The following CAMSAP3 variants were observed in gnomAD, a reference collection of about 807,000 sequenced individuals.
CAMSAP3 encodes calmodulin regulated spectrin associated protein family member 3.
CAMSAP3 carries 34 observed loss-of-function variants against 112.5 expected under a neutral mutation model. That is an observed-to-expected ratio of 0.30 (90% confidence interval 0.23 to 0.40). The LOEUF (loss-of-function observed/expected upper bound fraction) is 0.40. Ranked by LOEUF, CAMSAP3 falls within the 10% of genes least tolerant of loss-of-function variation. CAMSAP3 has a pLI of 1.00. For synonymous variants in CAMSAP3, 868 were observed against 799.8 expected (o/e 1.09, Z -1.44); for missense variants, 1,602 against 1,770.3 (o/e 0.90, Z 1.71).
In CAMSAP3 at chr19:7,611,289, G is replaced by T. The variant is rs1599356695; in HGVS notation, c.1123+121G>T. The T allele has an allele frequency of 9.6e-7, 1 of 1,041,630 alleles. No individual in the cohort carries two copies. The highest frequency in any genetic ancestry group is 1.4e-6 in the Non-Finnish European group (1 of 698,400). 64.5% of individuals were successfully genotyped at this position (1,041,630 alleles called of 1,614,324 possible). A position where few individuals can be genotyped will look rare whatever the true frequency, so the allele number is the denominator to read the frequency against. On this transcript the variant is annotated intron_variant, in intron 9 of 16. Coordinates refer to ENST00000160298, the MANE Select transcript of CAMSAP3 (RefSeq NM_020902.2). This position sits in a 1 kb window ranked among gnomAD's most constrained non-coding sequence, Gnocchi z 6.9. ...AGCCTCTCCATCAGATCCCCCTTGGGCATCCCAAAGTGACCCCCAGAATGG... is the reference window on the plus strand; with the variant it reads ...AGCCTCTCCATCAGATCCCCCTTGGTCATCCCAAAGTGACCCCCAGAATGG...
chr19:7,616,975 G>A (rs889904155), intron 14 of CAMSAP3, among the ~76,000 whole-genome samples: 33 of 139,768 alleles, frequency 2.4e-4, no homozygotes, highest in Non-Finnish European at 4.8e-4. Context: ...TTGAGAGGGA[G>A]TCTTGCTGTG....
rs1291195641 is a variant in CAMSAP3, at chr19:7,615,311, G to GGAGGCCGCGAGGT, written c.2807_2810+9dup. 1 of 1,546,252 alleles carries GGAGGCCGCGAGGT rather than the reference G, an allele frequency of 6.5e-7. No individual in the cohort carries two copies. Among genetic ancestry groups the GGAGGCCGCGAGGT allele is most frequent in the Non-Finnish European group, 8.7e-7 (1 of 1,144,288 alleles). ...AGGTGGAGAAGGAACAGCGGAGGGA[G>GGAGGCCGCGAGGT]GAGGCCGCGAGGTGAGGCCGGGCCT... On this transcript the variant is annotated frameshift_variant, in exon 12 of 17. Coordinates refer to ENST00000160298, the MANE Select transcript of CAMSAP3 (RefSeq NM_020902.2). LOFTEE classifies it high-confidence loss of function. This position sits in a 1 kb window ranked among gnomAD's most constrained non-coding sequence, Gnocchi z 6.5.
chr19:7,606,155 C>CCCCCCCCCCCCCCAA, intron 2 of CAMSAP3, 116 bp from the exon 3 acceptor site: 6 of 512,020 alleles, frequency 1.2e-5, no homozygotes, highest in East Asian at 7.2e-5. Flanking sequence ...CCTCAAGCCC[C>CCCCCCCCCCCCCCAA]ACCCCCCCCG....
rs368094381 is a variant in CAMSAP3, at chr19:7,607,823, C to A, written c.622-303C>A. 3.0e-6 allele frequency: 4 copies of A among 1,355,262 alleles called. No individual in the cohort carries two copies. The highest frequency in any genetic ancestry group is 2.5e-5 in the Admixed American group (1 of 39,366). 84.0% of individuals were successfully genotyped at this position (1,355,262 alleles called of 1,614,324 possible). A position where few individuals can be genotyped will look rare whatever the true frequency, so the allele number is the denominator to read the frequency against. ...GATGGCTGCTCCTCTCCCCCCAGCACGCAATTGCCTTCTGTTTGAAGGAGT... is the reference window on the plus strand; with the variant it reads ...GATGGCTGCTCCTCTCCCCCCAGCAAGCAATTGCCTTCTGTTTGAAGGAGT... On this transcript the variant is annotated intron_variant, in intron 4 of 16. Transcript: ENST00000160298. The surrounding 1 kb of genome is among the most constrained non-coding windows in gnomAD (Gnocchi z 4.9).
At chr19:7,614,282 A>AAAAAAAAG (rs1568447672) in intron 11 of CAMSAP3, among the ~76,000 whole-genome samples, 1 of 147,132 alleles carries the variant, frequency 6.8e-6, no homozygotes, top group African/African-American at 2.5e-5. Flanking sequence ...AAAAAAAAAA[A>AAAAAAAAG]AGTGAGCACA....
chr19:7,610,216 G>C lies in CAMSAP3; in HGVS notation c.761-260G>C, dbSNP rs1217197003. ...TCCTGTAATCCCAGCTACTCAGGAG[G>C]CTGAGGTGGGAGAATCACTTGAACC... is the stretch of plus-strand genomic sequence containing the variant. On this transcript the variant is annotated intron_variant, in intron 5 of 16. Transcript: ENST00000160298. This position sits in a 1 kb window ranked among gnomAD's most constrained non-coding sequence, Gnocchi z 4.9. Among the ~76,000 whole-genome samples, 1 of 151,914 alleles carries C rather than the reference G, an allele frequency of 6.6e-6. No individual in the cohort carries two copies. The highest frequency in any genetic ancestry group is 2.4e-5 in the African/African-American group (1 of 41,324).
Position 7,616,622 on chromosome 19 carries a change from G to A in CAMSAP3, c.3212G>A (p.Arg1071Gln), listed in dbSNP as rs202218559. The change falls in exon 14 of 17, where the codon CGG becomes CAG. Residue 1071 changes from arginine (R) to glutamine (Q), a missense_variant and splice_region_variant. Around this residue, in one of 6 missense-constraint regions of CAMSAP3, gnomAD observed 1,100 missense variants for 1,135.7 expected, o/e 0.97. Transcript: ENST00000160298. ...CTCGGGGTGAAGAGGCCCACGTCTC[G>A]GTGAGTTTAGCCCGCACAGGCGGGG... ...NNLGVKRPTS[R>Q]APSPSGLMSP... 1.5e-4 allele frequency: 243 copies of A among 1,602,624 alleles called. No individual in the cohort carries two copies. The highest frequency in any genetic ancestry group is 1.9e-4 in the Non-Finnish European group (218 of 1,176,760).
chr19:7,613,088 T>C lies in CAMSAP3; in HGVS notation c.2595T>C (p.Ala865=). 6.5e-7 allele frequency: 1 copy of C among 1,546,364 alleles called. No homozygotes were observed. Among genetic ancestry groups the C allele is most frequent in the Non-Finnish European group, 8.7e-7 (1 of 1,146,270 alleles). ...AAEDEGDGSP[A]GAEDSLEEEA... is the part of the protein sequence containing the mutation. ...AGGACGAGGGAGACGGGAGCCCCGC[T>C]GGTGCTGAGGATTCCTTGGAGGAGG... Residue 865 remains alanine (A), a synonymous_variant, in exon 11 of 17, where the codon GCT becomes GCC. Coordinates refer to ENST00000160298, the MANE Select transcript of CAMSAP3 (RefSeq NM_020902.2).
chr19:7,602,244 TCA>T (rs149502268), intron 1 of CAMSAP3, among the ~76,000 whole-genome samples: 1,910 of 152,224 alleles, frequency 0.013, 39 homozygotes, highest in African/African-American at 0.044. Flanking sequence ...GCTAAACATC[TCA>T]CAGTGTACAG....
In CAMSAP3 at chr19:7,611,649, C is replaced by T; in HGVS notation, c.1194-38C>T. On this transcript the variant is annotated intron_variant, in intron 10 of 16. Transcript: ENST00000160298. This position sits in a 1 kb window ranked among gnomAD's most constrained non-coding sequence, Gnocchi z 6.9. Reference sequence around the variant, plus strand: ...AGGCTAGGGCGGGTTGGGGCCGAGGCTGGTCCCAGGGGCTGACCCCTCCCT... The same window carrying T: ...AGGCTAGGGCGGGTTGGGGCCGAGGTTGGTCCCAGGGGCTGACCCCTCCCT... The T allele has an allele frequency of 6.3e-7, 1 of 1,581,498 alleles. No individual in the cohort carries two copies. The highest frequency in any genetic ancestry group is 8.6e-7 in the Non-Finnish European group (1 of 1,161,270).
chr19:7,615,414 G>A lies in CAMSAP3; in HGVS notation c.2811-4G>A. 1.3e-6 allele frequency: 2 copies of A among 1,540,330 alleles called. No homozygotes were observed. The highest frequency in any genetic ancestry group is 2.4e-5 in the East Asian group (1 of 40,844). ...TTCTGATGCCGATTCCCTGTGATCTGCAGGCTGGCCCAAGAGGAGGCCCCG... is the reference window on the plus strand; with the variant it reads ...TTCTGATGCCGATTCCCTGTGATCTACAGGCTGGCCCAAGAGGAGGCCCCG... On this transcript the variant is annotated splice_region_variant and splice_polypyrimidine_tract_variant and intron_variant, in intron 12 of 16. Coordinates refer to ENST00000160298, the MANE Select transcript of CAMSAP3 (RefSeq NM_020902.2). This position sits in a 1 kb window ranked among gnomAD's most constrained non-coding sequence, Gnocchi z 6.5.
chr19:7,603,960 A>G (rs2030082573), intron 1 of CAMSAP3, among the ~76,000 whole-genome samples: 1 of 152,030 alleles, frequency 6.6e-6, no homozygotes, highest in African/African-American at 2.4e-5. Flanking sequence ...AATGGTGATA[A>G]CCCTGTTTCT....
chr19:7,610,734 T>A lies in CAMSAP3; in HGVS notation c.935T>A (p.Met312Lys), dbSNP rs745715445. Residue 312 changes from methionine to lysine, a missense_variant, in exon 7 of 17, where the codon ATG becomes AAG. This residue lies in a region of CAMSAP3 where 1,100 missense variants were observed against 1,135.7 expected (regional missense o/e 0.97). Coordinates refer to ENST00000160298, the MANE Select transcript of CAMSAP3 (RefSeq NM_020902.2). This position sits in a 1 kb window ranked among gnomAD's most constrained non-coding sequence, Gnocchi z 4.9. ...NLVVMLAELF[M>K]CFEVLKPDFV... is the part of the protein sequence containing the mutation. ...GTGGTGATGCTGGCCGAGTTGTTCATGTGTTTTGAGGTGCTCAAGCCCGAC... is the reference window on the plus strand; with the variant it reads ...GTGGTGATGCTGGCCGAGTTGTTCAAGTGTTTTGAGGTGCTCAAGCCCGAC... 1 of 1,614,010 alleles carries A rather than the reference T, an allele frequency of 6.2e-7. No individual in the cohort carries two copies. Among genetic ancestry groups the A allele is most frequent in the Non-Finnish European group, 8.5e-7 (1 of 1,179,998 alleles).
rs1363758846 is a variant in CAMSAP3, at chr19:7,610,689, C to A, written c.901-11C>A. 1 of 1,613,956 alleles carries A rather than the reference C, an allele frequency of 6.2e-7. No homozygotes were observed. The highest frequency in any genetic ancestry group is 1.1e-5 in the South Asian group (1 of 91,082). On this transcript the variant is annotated splice_polypyrimidine_tract_variant and intron_variant, in intron 6 of 16. Transcript: ENST00000160298. This position sits in a 1 kb window ranked among gnomAD's most constrained non-coding sequence, Gnocchi z 4.9. The stretch of plus-strand genomic sequence containing the variant: ...GGGGTCCCGTCTGCTGACCCGGCCT[C>A]CCACCTCCAGGTCAACTTGGTGGTG...
Position 7,611,203 on chromosome 19 carries a change from AC to A in CAMSAP3, c.1123+42del, listed in dbSNP as rs747153810. On this transcript the variant is annotated intron_variant, in intron 9 of 16. Coordinates refer to ENST00000160298, the MANE Select transcript of CAMSAP3 (RefSeq NM_020902.2). The surrounding 1 kb of genome is among the most constrained non-coding windows in gnomAD (Gnocchi z 6.9). Reference sequence around the variant, plus strand: ...GGGTAGGTGGCTTCTGTCACGGGGGACCCCCCCACTCACAGACTGCCCCAGT... The same window carrying A: ...GGGTAGGTGGCTTCTGTCACGGGGGACCCCCCACTCACAGACTGCCCCAGT... 8.7e-6 allele frequency: 14 copies of A among 1,600,618 alleles called. No homozygotes were observed. The highest frequency in any genetic ancestry group is 1.7e-4 in the Middle Eastern group (1 of 6,038).
chr19:7,610,333 A>T lies in CAMSAP3; in HGVS notation c.761-143A>T. 1.5e-6 allele frequency: 1 copy of T among 667,540 alleles called. No homozygotes were observed. Among genetic ancestry groups the T allele is most frequent in the Non-Finnish European group, 2.5e-6 (1 of 403,638 alleles). 41.4% of individuals were successfully genotyped at this position (667,540 alleles called of 1,614,324 possible). A position where few individuals can be genotyped will look rare whatever the true frequency, so the allele number is the denominator to read the frequency against. ...ACTCCATCTCAAAAAAAAAAAAAAAAGAATTCACCTCTCGAAGGGCACCTG... is the reference window on the plus strand; with the variant it reads ...ACTCCATCTCAAAAAAAAAAAAAAATGAATTCACCTCTCGAAGGGCACCTG... On this transcript the variant is annotated intron_variant, in intron 5 of 16. Transcript: ENST00000160298. The surrounding 1 kb of genome is among the most constrained non-coding windows in gnomAD (Gnocchi z 4.9).
intron 2 of CAMSAP3, among the ~76,000 whole-genome samples, chr19:7,605,758 G>C (rs1006055189): frequency 6.7e-5 from 10 of 148,868 alleles, no homozygotes; most frequent in African/African-American, 2.0e-4. Context: ...GCTCCTATCA[G>C]TCTTGGCTCC....
At chr19:7,608,339 T>C in intron 5 of CAMSAP3, 75 bp downstream of exon 5, 2 of 1,525,538 alleles carry the variant, frequency 1.3e-6, no homozygotes, top group Non-Finnish European at 1.8e-6. Flanking sequence ...AGACCCTCCA[T>C]CCCCAGGTCC....
chr19:7,603,490 C>T (rs748445822), intron 1 of CAMSAP3, among the ~76,000 whole-genome samples: 3 of 152,066 alleles, frequency 2.0e-5, no homozygotes, highest in Non-Finnish European at 4.4e-5. Flanking sequence ...GCTGGGATTA[C>T]AGGCATGAGT....
Sources: allele counts gnomAD v4.1 joint callset (sites outside exome capture counted in the v4.1 genomes callset), GRCh38; gene constraint gnomAD v4.1.1; regional missense constraint gnomAD v4.1.1; non-coding constraint Gnocchi (gnomAD v3.1); transcripts MANE v1.5; gene names NCBI Gene and HGNC (gene_info 2026-07-23, HGNC 2026-07-21).